The following CTRB1 variants were observed in gnomAD, a reference collection of about 807,000 sequenced individuals.
CTRB1 encodes the protein chymotrypsinogen B.
CTRB1 carries 15 observed loss-of-function variants against 20.4 expected under a neutral mutation model. The ratio of observed to expected loss-of-function variants is 0.74; its 90% CI spans 0.49 to 1.13. The LOEUF is 1.13. CTRB1 is among the 50% of genes most tolerant of loss of function. The pLI is 0.00. For synonymous variants in CTRB1, 92 were observed against 128.4 expected, an observed-to-expected ratio of 0.72 and a Z score of 1.92; for missense variants, 227 against 290.1, an observed-to-expected ratio of 0.78 and a Z score of 1.58.
intron 1 of CTRB1, 58 bp downstream of exon 1, chr16:75,219,117 G>A (rs1268647467): frequency 1.5e-5 from 23 of 1,530,536 alleles, no homozygotes; most frequent in Non-Finnish European, 2.0e-5. Flanking sequence ...GGCTGAGAGG[G>A]GGATCTGAGT....
chr16:75,224,124 C>T lies in CTRB1; in HGVS notation c.566C>T (p.Ser189Phe), dbSNP rs749729391. The T allele has an allele frequency of 8.0e-5, 114 of 1,427,030 alleles. No individual in the cohort carries two copies. In the African/African-American group the frequency reaches 9.6e-4, roughly 12 times the overall value. The allele number at this position is 1,427,030 out of a possible 1,614,324, so 88.4% of individuals were successfully genotyped here. Residue 189 changes from serine (S) to phenylalanine (F), a missense_variant, in exon 6 of 7, where the codon TCC (serine) becomes TTC (phenylalanine). By Grantham distance (155) the Ser-to-Phe change is radical. Transcript: ENST00000361017. ...CTGTCCAATGCCGAATGCAAGAAGT[C>T]CTGGGGCAGGAGGATCACCGACGTG... is the stretch of plus-strand genomic sequence containing the variant. ...PLLSNAECKKSWGRRITDVMI... is the reference protein window; with the variant it reads ...PLLSNAECKKFWGRRITDVMI...
At position 75,219,044 on chromosome 16, in the gene CTRB1, G is replaced by GTGGGGGCCGCCTTTGGTGAGTGC; in HGVS notation, c.41_52+11dup. On this transcript the variant is annotated frameshift_variant, in exon 1 of 7. Transcript: ENST00000361017. LOFTEE classifies it high-confidence loss of function. ...CTGGCTCCTCTCCTGCTTCTCCCTT[G>GTGGGGGCCGCCTTTGGTGAGTGC]TGGGGGCCGCCTTTGGTGAGTGCTG... is the stretch of plus-strand genomic sequence containing the variant. 1 of 1,592,964 alleles carries GTGGGGGCCGCCTTTGGTGAGTGC rather than the reference G, an allele frequency of 6.3e-7. No individual in the cohort carries two copies. Among genetic ancestry groups the GTGGGGGCCGCCTTTGGTGAGTGC allele is most frequent in the Non-Finnish European group, 8.5e-7 (1 of 1,171,102 alleles).
rs778406515 is a variant in CTRB1 at position 75,224,771 on chromosome 16, T to G, written c.697T>G (p.Trp233Gly). The change falls in exon 7 of 7, where the codon TGG (tryptophan) becomes GGG (glycine). Residue 233 changes from tryptophan (W) to glycine (G), a missense_variant. Coordinates refer to ENST00000361017, the MANE Select transcript of CTRB1 (RefSeq NM_001906.6). The part of the protein sequence containing the change: ...GAWTLVGIVS[W>G]GSDTCSTSSP... ...CTGGACCCTGGTGGGCATTGTGTCC[T>G]GGGGCAGCGACACCTGCTCCACCTC... is the stretch of plus-strand genomic sequence containing the variant. 6.2e-7 allele frequency: 1 copy of G among 1,613,884 alleles called. No individual in the cohort carries two copies. The highest frequency in any genetic ancestry group is 8.5e-7 in the Non-Finnish European group (1 of 1,180,006).
intron 1 of CTRB1, among the ~76,000 whole-genome samples, chr16:75,220,494 T>C (rs957951513): frequency 6.6e-6 from 1 of 152,142 alleles, no homozygotes; most frequent in African/African-American, 2.4e-5. Context: ...TGGGGTCTTA[T>C]TATGTTGTCC....
chr16:75,222,103 G>T (rs571131292), intron 1 of CTRB1, among the ~76,000 whole-genome samples: 147 of 149,654 alleles, frequency 9.8e-4, no homozygotes, highest in Non-Finnish European at 1.8e-3. Flanking sequence ...TGAGGTTGCA[G>T]TGGGCCATGA....
rs574010438 is a variant in CTRB1 at position 75,221,542 on chromosome 16, T to C, written c.53-1226T>C. On this transcript the variant is annotated intron_variant, in intron 1 of 6. Transcript: ENST00000361017. Reference sequence around the variant, plus strand: ...GCCCGGCTAATTTTTGTATTTTTAGTAGAGATGGGGTTTTACTATGTTGGC... The same window carrying C: ...GCCCGGCTAATTTTTGTATTTTTAGCAGAGATGGGGTTTTACTATGTTGGC... Among the ~76,000 whole-genome samples, 115 of 152,098 alleles carry C rather than the reference T, an allele frequency of 7.6e-4. 1 individual carries two copies. Among genetic ancestry groups the C allele is most frequent in the African/African-American group, 2.5e-3 (104 of 41,536 alleles).
chr16:75,222,694 G>A (rs1232519944), intron 1 of CTRB1, 74 bp from the exon 2 acceptor site: 2 of 1,475,396 alleles, frequency 1.4e-6, no homozygotes, highest in African/African-American at 1.4e-5. Flanking sequence ...GTAGAACCGG[G>A]AGAGCTGCAC....
intron 3 of CTRB1, 25 bp from the exon 4 acceptor site, chr16:75,223,116 C>G: frequency 2.3e-6 from 2 of 859,410 alleles, no homozygotes; most frequent in Non-Finnish European, 1.8e-6. Flanking sequence ...AGGGCATGTT[C>G]TCTCACCCAC....
At chr16:75,221,929 C>G (rs1018988832) in intron 1 of CTRB1, among the ~76,000 whole-genome samples, 1 of 151,618 alleles carries the variant, frequency 6.6e-6, no homozygotes, top group African/African-American at 2.4e-5. Flanking sequence ...GGCTTGGTGG[C>G]GGGCACCTGT....
At chr16:75,224,643 T>C in intron 6 of CTRB1, 62 bp from the exon 7 acceptor site, 2 of 1,530,982 alleles carry the variant, frequency 1.3e-6, no homozygotes, top group Non-Finnish European at 1.8e-6. Context: ...CAATGTCCAG[T>C]GGCCCCTGGG....
rs549433530 is a variant in CTRB1 at position 75,224,203 on chromosome 16, G to A, written c.630+15G>A. 9.3e-3 allele frequency: 13,139 copies of A among 1,420,008 alleles called. 63 individuals are homozygous for A. Among genetic ancestry groups the A allele is most frequent in the Non-Finnish European group, 0.011 (12,063 of 1,066,654 alleles). The allele number at this position is 1,420,008 out of a possible 1,614,324, so 88.0% of individuals were successfully genotyped here. A position where few individuals can be genotyped will look rare whatever the true frequency, so the allele number is the denominator to read the frequency against. ...CCTCCTGCATGGTGAGGCTGGCCCT[G>A]CCCAGGCCCTGGCCAGGCGAGCGGG... On this transcript the variant is annotated intron_variant, in intron 6 of 6. Coordinates refer to ENST00000361017, the MANE Select transcript of CTRB1 (RefSeq NM_001906.6).
intron 1 of CTRB1, among the ~76,000 whole-genome samples, chr16:75,219,447 A>G (rs1567568314): frequency 6.6e-6 from 1 of 151,114 alleles, no homozygotes; most frequent in Non-Finnish European, 1.5e-5. Context: ...GCTGGAGTGC[A>G]ATGGTGCAAT....
At chr16:75,223,690 C>CTGTTTGG in intron 5 of CTRB1, 62 bp downstream of exon 5, 2 of 364,896 alleles carry the variant, frequency 5.5e-6, no homozygotes, top group African/African-American at 6.5e-5. Context: ...CCCCCCGTGA[C>CTGTTTGG]CGTTTGGCTC....
chr16:75,219,280 G>A (rs368169571), intron 1 of CTRB1, among the ~76,000 whole-genome samples: 2 of 152,200 alleles, frequency 1.3e-5, no homozygotes, highest in African/African-American at 4.8e-5. Flanking sequence ...CTCCAGAAGT[G>A]GCTGGGGTGG....
rs750283542 is a variant in CTRB1, at chr16:75,219,015, C to T, written c.8C>T (p.Ser3Phe). ...ACCTTCTGAGGCAGCGGCATGGCTT[C>T]CCTCTGGCTCCTCTCCTGCTTCTCC... MASLWLLSCFSLV... is the reference protein window; with the variant it reads MAFLWLLSCFSLV... The change falls in exon 1 of 7, where the codon TCC becomes TTC. Residue 3 changes from serine to phenylalanine, a missense_variant. Physicochemically the swap from Ser to Phe is radical, Grantham distance 155 (BLOSUM62 -2). This residue lies in a region of CTRB1 where 71 missense variants were observed against 69.1 expected (regional missense o/e 1.03). Transcript: ENST00000361017. 17 of 1,588,884 alleles carry T rather than the reference C, an allele frequency of 1.1e-5. No individual in the cohort carries two copies. The East Asian group carries it at 1.1e-4, about 11-fold the overall frequency.
intron 1 of CTRB1, among the ~76,000 whole-genome samples, chr16:75,221,979 T>G (rs2039091747): frequency 6.8e-6 from 1 of 147,086 alleles, no homozygotes; most frequent in Non-Finnish European, 1.5e-5. Context: ...GAGAATGGCG[T>G]GAACCCAGGA....
At chr16:75,221,889 C>T (rs374823355) in intron 1 of CTRB1, among the ~76,000 whole-genome samples, 5 of 151,248 alleles carry the variant, frequency 3.3e-5, no homozygotes, top group South Asian at 2.1e-4. Flanking sequence ...GGTGAAACCC[C>T]GTCTCTACTA....
chr16:75,219,024 T>C lies in CTRB1; in HGVS notation c.17T>C (p.Leu6Pro). MASLW[L>P]LSCFSLVGAA... is the part of the protein sequence containing the mutation. ...GGCAGCGGCATGGCTTCCCTCTGGC[T>C]CCTCTCCTGCTTCTCCCTTGTGGGG... The change falls in exon 1 of 7, where the codon CTC becomes CCC. Residue 6 changes from leucine (L) to proline (P), a missense_variant. This residue lies in a region of CTRB1 where 71 missense variants were observed against 69.1 expected (regional missense o/e 1.03). Transcript: ENST00000361017. The C allele has an allele frequency of 6.3e-7, 1 of 1,592,150 alleles. No individual in the cohort carries two copies. The highest frequency in any genetic ancestry group is 1.8e-5 in the Admixed American group (1 of 57,028).
chr16:75,220,214 A>G (rs2039063612), intron 1 of CTRB1, among the ~76,000 whole-genome samples: 1 of 149,172 alleles, frequency 6.7e-6, no homozygotes, highest in Admixed American at 6.7e-5. Context: ...ACAGAGTTTC[A>G]CTCTTGTCAC....
Sources: gnomAD v4.1 joint callset for allele counts (sites outside exome capture counted in the v4.1 genomes callset) on GRCh38, gnomAD v4.1.1 for gene constraint, gnomAD v4.1.1 regional missense constraint, MANE v1.5 for transcripts, NCBI Gene and HGNC (gene_info 2026-07-23, HGNC 2026-07-21) for gene names.